ANKRD30B: variants seen among roughly 807,000 people sequenced by gnomAD.
ANKRD30B encodes ankyrin repeat domain-containing protein 30B.
Under a neutral mutation model 202.2 loss-of-function variants are expected in ANKRD30B, and 144 were observed. The ratio of observed to expected loss-of-function variants is 0.71; its 90% CI spans 0.62 to 0.82. ANKRD30B has a LOEUF of 0.82. Among genes scored for constraint, ANKRD30B ranks in the 40% least tolerant of loss-of-function variants. The probability of loss-of-function intolerance (pLI) is 0.00; values close to 1 mark genes in which losing one functional copy is unlikely to be tolerated. For missense variants in ANKRD30B, 1,487 were observed against 1,669.1 expected, an observed-to-expected ratio of 0.89 and a Z score of 1.90; for synonymous variants, 508 against 561.3, an observed-to-expected ratio of 0.91 and a Z score of 1.34.
At chr18:14,757,993 T>G in intron 5 of ANKRD30B, 41 bp downstream of exon 5, 1 of 1,539,444 alleles carries the variant, frequency 6.5e-7, no homozygotes, top group South Asian at 1.2e-5. Context: ...ATTTTATTGT[T>G]TGTTTCAGGG....
chr18:14,863,318 C>T, the ANKRD30B span, among the ~76,000 whole-genome samples: 1 of 152,240 alleles, frequency 6.6e-6, no homozygotes, highest in Admixed American at 6.5e-5. Context: ...TTAGCTCCAT[C>T]CCCTTGGTGA....
intron 20 of ANKRD30B, among the ~76,000 whole-genome samples, chr18:14,798,491 G>T (rs559783075): frequency 6.6e-6 from 1 of 152,104 alleles, no homozygotes; most frequent in African/African-American, 2.4e-5. Context: ...GCAAAAGCTG[G>T]TTACAAACAA....
intron 15 of ANKRD30B, among the ~76,000 whole-genome samples, chr18:14,788,845 C>T (rs1445589146): frequency 6.6e-6 from 1 of 152,072 alleles, no homozygotes; most frequent in Non-Finnish European, 1.5e-5. Context: ...AATAGTGCCA[C>T]AATAAACATA....
At chr18:14,926,370 T>C in the ANKRD30B span, among the ~76,000 whole-genome samples, 151,228 of 152,320 alleles carry the variant, frequency 0.99, 75,080 homozygotes, top group Middle Eastern at 1. Flanking sequence ...CAGAACTGGC[T>C]CCAGCCTGGG....
chr18:14,870,132 A>T, the ANKRD30B span, among the ~76,000 whole-genome samples: 1 of 152,174 alleles, frequency 6.6e-6, no homozygotes, highest in Admixed American at 6.5e-5. Flanking sequence ...CACCACGCGA[A>T]GCCTATTTAT....
At chr18:14,882,182 G>C in the ANKRD30B span, among the ~76,000 whole-genome samples, 1 of 151,960 alleles carries the variant, frequency 6.6e-6, no homozygotes, top group African/African-American at 2.4e-5. Flanking sequence ...TGCTTCTCTG[G>C]TTCCCTGAGA....
chr18:14,748,889 G>A (rs3889978), intron 1 of ANKRD30B, among the ~76,000 whole-genome samples: 1 of 152,212 alleles, frequency 6.6e-6, no homozygotes, highest in Non-Finnish European at 1.5e-5. Flanking sequence ...AGCTTTAGCT[G>A]CTTTCTCCTT....
At chr18:14,819,844 G>A (rs1432247761) in intron 30 of ANKRD30B, among the ~76,000 whole-genome samples, 22 of 152,054 alleles carry the variant, frequency 1.4e-4, no homozygotes, top group South Asian at 6.2e-4. Context: ...TTGGCGACAC[G>A]GGCTCATTTT....
chr18:14,784,885 T>C (rs1419244660), intron 14 of ANKRD30B, among the ~76,000 whole-genome samples: 1 of 152,202 alleles, frequency 6.6e-6, no homozygotes, highest in African/African-American at 2.4e-5. Context: ...CACGGTTTAC[T>C]TCGGGGATCA....
chr18:14,776,799 A>G (rs1437821636), intron 9 of ANKRD30B, among the ~76,000 whole-genome samples: 1 of 152,232 alleles, frequency 6.6e-6, no homozygotes, highest in Non-Finnish European at 1.5e-5. Flanking sequence ...TAACATAAAT[A>G]TAAGTTTTCC....
intron 6 of ANKRD30B, among the ~76,000 whole-genome samples, chr18:14,760,891 C>T (rs996382911): frequency 6.6e-6 from 1 of 151,820 alleles, no homozygotes; most frequent in African/African-American, 2.4e-5. Context: ...CCCTAAAATC[C>T]TATATAATAT....
chr18:14,788,010 T>A (rs946749755), intron 15 of ANKRD30B, among the ~76,000 whole-genome samples: 1 of 152,216 alleles, frequency 6.6e-6, no homozygotes, highest in African/African-American at 2.4e-5. Flanking sequence ...AAAAACATGT[T>A]GCTTATTTTA....
intron 20 of ANKRD30B, among the ~76,000 whole-genome samples, chr18:14,798,265 A>G (rs1283110299): frequency 2.6e-5 from 4 of 151,912 alleles, no homozygotes; most frequent in Admixed American, 2.6e-4. Context: ...GGGTGGGTTA[A>G]TGAGGGATTT....
chr18:14,907,548 T>C, the ANKRD30B span, among the ~76,000 whole-genome samples: 2 of 152,186 alleles, frequency 1.3e-5, no homozygotes, highest in Non-Finnish European at 2.9e-5. Context: ...GAAGATGGGC[T>C]GGCGTCTGTG....
At chr18:14,864,673 C>G in the ANKRD30B span, among the ~76,000 whole-genome samples, 1 of 124,440 alleles carries the variant, frequency 8.0e-6, no homozygotes, top group African/African-American at 3.2e-5. Flanking sequence ...TCATCATCCT[C>G]TTTTGCTCCT....
chr18:14,789,984 A>G (rs1968358924), intron 15 of ANKRD30B, among the ~76,000 whole-genome samples: 2 of 152,172 alleles, frequency 1.3e-5, no homozygotes, highest in African/African-American at 2.4e-5. Context: ...CTTGGGCAGT[A>G]TGGCCATTTT....
intron 33 of ANKRD30B, among the ~76,000 whole-genome samples, chr18:14,829,523 G>C (rs1970812672): frequency 6.6e-6 from 1 of 152,170 alleles, no homozygotes; most frequent in African/African-American, 2.4e-5. Flanking sequence ...AGTTTGAAGA[G>C]AAACAATCCC....
chr18:14,841,458 T>C (rs1475647267), intron 37 of ANKRD30B, among the ~76,000 whole-genome samples: 2 of 152,130 alleles, frequency 1.3e-5, no homozygotes, highest in African/African-American at 4.8e-5. Context: ...TGGATAGAAG[T>C]TCAAGACATA....
At chr18:14,864,832 C>T in the ANKRD30B span, among the ~76,000 whole-genome samples, 1 of 151,850 alleles carries the variant, frequency 6.6e-6, no homozygotes, top group Admixed American at 6.6e-5. Flanking sequence ...TTTCCCTTCT[C>T]CATCTACCAA....
Sources: allele counts gnomAD v4.1 joint callset (sites outside exome capture counted in the v4.1 genomes callset), GRCh38; gene constraint gnomAD v4.1.1; transcripts MANE v1.5; gene names NCBI Gene and HGNC (gene_info 2026-07-23, HGNC 2026-07-21).